Variants in ITPK1 observed in about 807,000 individuals in gnomAD.
The protein encoded by ITPK1 is inositol 1,3,4-trisphosphate 5/6-kinase.
ITPK1 carries 21 observed loss-of-function variants against 45.3 expected under a neutral mutation model. The ratio of observed to expected loss-of-function variants is 0.46; its 90% CI spans 0.33 to 0.67. The LOEUF is 0.67. Ranked by LOEUF, ITPK1 falls within the 30% of genes least tolerant of loss-of-function variation. The pLI is 0.02. For synonymous variants in ITPK1, 258 were observed against 253.6 expected, an observed-to-expected ratio of 1.02 and a Z score of -0.16; for missense variants, 474 against 573.5, an observed-to-expected ratio of 0.83 and a Z score of 1.77.
At chr14:93,052,078 A>C (rs779446680) in intron 3 of ITPK1, among the ~76,000 whole-genome samples, 1 of 152,226 alleles carries the variant, frequency 6.6e-6, no homozygotes, top group Non-Finnish European at 1.5e-5. Flanking sequence ...AAGACAGCAG[A>C]AAGCACAGAG....
At chr14:93,022,373 G>T (rs1241032416) in intron 3 of ITPK1, among the ~76,000 whole-genome samples, 1 of 152,172 alleles carries the variant, frequency 6.6e-6, no homozygotes, top group African/African-American at 2.4e-5. Context: ...CCACCACAAA[G>T]GGCTAGTCAA....
intron 3 of ITPK1, chr14:93,071,641 G>C (rs1311226332): frequency 6.6e-6 from 1 of 152,182 alleles, no homozygotes; most frequent in Non-Finnish European, 1.5e-5. Context: ...ACGGCGATTA[G>C]AGATTCGCCA....
chr14:93,017,338 G>A (rs186868146), intron 3 of ITPK1, among the ~76,000 whole-genome samples: 4 of 152,354 alleles, frequency 2.6e-5, no homozygotes, highest in South Asian at 2.1e-4. Flanking sequence ...CGCTTTGAGC[G>A]ACCAGCCACT....
intron 4 of ITPK1, among the ~76,000 whole-genome samples, chr14:93,011,066 T>C (rs1887876510): frequency 6.6e-6 from 1 of 152,258 alleles, no homozygotes; most frequent in Non-Finnish European, 1.5e-5. Flanking sequence ...GGTATTTTAA[T>C]TGTTTTTAAG....
chr14:92,978,698 T>C (rs1350449958), intron 5 of ITPK1, among the ~76,000 whole-genome samples: 3 of 150,992 alleles, frequency 2.0e-5, no homozygotes, highest in African/African-American at 7.4e-5. Context: ...CAAGCCTTGG[T>C]GGCTTCCACA....
Position 93,073,758 on chromosome 14 carries a change from G to A in ITPK1, c.120+2837C>T, listed in dbSNP as rs1240312203. 5.3e-5 allele frequency among the ~76,000 whole-genome samples: 8 copies of A among 152,322 alleles called. No individual in the cohort carries two copies. In the East Asian group the frequency reaches 1.5e-3, roughly 29 times the overall value. On this transcript the variant is annotated intron_variant, in intron 3 of 10. Coordinates refer to ENST00000267615, the MANE Select transcript of ITPK1 (RefSeq NM_014216.6). ...ACAGGCTTTTGAGACAGACAGACCTGCACTCAAATCCCAACTCCACCACGG... is the reference window on the plus strand; with the variant it reads ...ACAGGCTTTTGAGACAGACAGACCTACACTCAAATCCCAACTCCACCACGG...
Position 92,938,350 on chromosome 14 carries a change from G to A in ITPK1, c.*3211C>T. 1.4e-6 allele frequency: 1 copy of A among 718,860 alleles called. No individual in the cohort carries two copies. Among genetic ancestry groups the A allele is most frequent in the African/African-American group, 1.7e-5 (1 of 57,642 alleles). The allele number at this position is 718,860 out of a possible 1,614,324, so 44.5% of individuals were successfully genotyped here. ...GTTGTGGCCAGTGGCCAATGTGAGT[G>A]CCCAAGAGCCAAGAACTGGTCTTCC... is the stretch of plus-strand genomic sequence containing the variant. On this transcript the variant is annotated 3_prime_UTR_variant, in exon 11 of 11. Coordinates refer to ENST00000267615, the MANE Select transcript of ITPK1 (RefSeq NM_014216.6).
intron 2 of ITPK1, among the ~76,000 whole-genome samples, chr14:93,094,388 C>A (rs1211298969): frequency 6.6e-6 from 1 of 152,154 alleles, no homozygotes; most frequent in Non-Finnish European, 1.5e-5. Flanking sequence ...CACAGGCCAG[C>A]CTAGGATGTC....
intron 3 of ITPK1, among the ~76,000 whole-genome samples, chr14:93,041,344 G>A (rs1889554444): frequency 6.6e-6 from 1 of 152,216 alleles, no homozygotes; most frequent in African/African-American, 2.4e-5. Context: ...TGGCAACCCT[G>A]TCTCTGCACA....
chr14:93,089,405 A>C (rs1205415745), intron 2 of ITPK1, among the ~76,000 whole-genome samples: 1 of 152,094 alleles, frequency 6.6e-6, no homozygotes. Flanking sequence ...CCTTCCTATG[A>C]AGTAGATTTC....
chr14:93,106,729 A>G (rs1212014195), intron 2 of ITPK1, among the ~76,000 whole-genome samples: 2 of 152,126 alleles, frequency 1.3e-5, no homozygotes, highest in Admixed American at 6.5e-5. Flanking sequence ...GCAGGTGTAC[A>G]TGCCGGCAAG....
intron 9 of ITPK1, among the ~76,000 whole-genome samples, chr14:92,950,931 C>T (rs965804767): frequency 2.0e-5 from 3 of 152,258 alleles, no homozygotes; most frequent in African/African-American, 7.2e-5. Context: ...GTCCTGCCCA[C>T]GCCTGTGCTC....
intron 3 of ITPK1, among the ~76,000 whole-genome samples, chr14:93,073,700 C>G (rs768589067): frequency 6.6e-6 from 1 of 152,172 alleles, no homozygotes; most frequent in African/African-American, 2.4e-5. Context: ...TATGAACATG[C>G]AGAGGAGACC....
intron 3 of ITPK1, among the ~76,000 whole-genome samples, chr14:93,064,721 G>C (rs1180989397): frequency 6.6e-6 from 1 of 152,202 alleles, no homozygotes; most frequent in African/African-American, 2.4e-5. Flanking sequence ...AAACAGGCCT[G>C]TGAAAGGAGA....
chr14:93,041,953 C>G (rs1419618120), intron 3 of ITPK1, among the ~76,000 whole-genome samples: 1 of 152,160 alleles, frequency 6.6e-6, no homozygotes, highest in Non-Finnish European at 1.5e-5. Context: ...AGGACCCTAT[C>G]TCACCCAGCC....
At chr14:93,071,592 T>G (rs1356307708) in intron 3 of ITPK1, 1 of 152,254 alleles carries the variant, frequency 6.6e-6, no homozygotes, top group Non-Finnish European at 1.5e-5. Context: ...AAACTGTTAA[T>G]GTTTCTCTTT....
Position 93,080,446 on chromosome 14 carries a change from G to A in ITPK1, c.96-3827C>T, listed in dbSNP as rs1279562893. On this transcript the variant is annotated intron_variant, in intron 2 of 10. Coordinates refer to ENST00000267615, the MANE Select transcript of ITPK1 (RefSeq NM_014216.6). ...AAGCACGAAGCAATCGATCAATGGA[G>A]GACACAAGACAGCAGAGCTCAGGAT... 2.0e-5 allele frequency among the ~76,000 whole-genome samples: 3 copies of A among 152,208 alleles called. No individual in the cohort carries two copies. In the East Asian group the frequency reaches 5.8e-4, roughly 29 times the overall value.
At chr14:93,102,272 C>CCA (rs1431091020) in intron 2 of ITPK1, among the ~76,000 whole-genome samples, 1 of 152,248 alleles carries the variant, frequency 6.6e-6, no homozygotes, top group Non-Finnish European at 1.5e-5. Context: ...CAAGCACAGG[C>CCA]CACGGCTTGG....
intron 8 of ITPK1, among the ~76,000 whole-genome samples, chr14:92,955,458 C>A (rs1280222568): frequency 6.6e-6 from 1 of 152,166 alleles, no homozygotes; most frequent in Non-Finnish European, 1.5e-5. Flanking sequence ...TAAACCCACT[C>A]TATAGAAAGG....
Sources: gnomAD v4.1 joint callset for allele counts (sites outside exome capture counted in the v4.1 genomes callset) on GRCh38, gnomAD v4.1.1 for gene constraint, MANE v1.5 for transcripts, NCBI Gene and HGNC (gene_info 2026-07-23, HGNC 2026-07-21) for gene names.